B3GALT1: variants seen among roughly 807,000 people sequenced by gnomAD.
The protein encoded by B3GALT1 is UDP-Gal:betaGlcNAc beta 1,3-galactosyltransferase, polypeptide 1.
In B3GALT1, 10 loss-of-function variants were observed where a neutral mutation model predicts 23.2. That is an observed-to-expected ratio of 0.43 (90% CI 0.27 to 0.73). The LOEUF is 0.73. B3GALT1 is among the 30% of genes least tolerant of loss of function. The pLI, the probability that B3GALT1 is intolerant of heterozygous loss-of-function variation, is 0.21. For missense variants in B3GALT1, 299 were observed against 405.4 expected, an observed-to-expected ratio of 0.74 and a Z score of 2.25; for synonymous variants, 156 against 141.5, an observed-to-expected ratio of 1.10 and a Z score of -0.73.
chr2:167,649,051 AATAATGTTTTTTT>A (rs1685808814), intron 3 of B3GALT1, among the ~76,000 whole-genome samples: 1 of 152,094 alleles, frequency 6.6e-6, no homozygotes, highest in African/African-American at 2.4e-5. Context: ...AGTAAGAGCA[AATAATGTTTTTTT>A]ATTGACTCAC....
At chr2:167,475,970 T>A (rs1699479455) in intron 1 of B3GALT1, among the ~76,000 whole-genome samples, 1 of 152,182 alleles carries the variant, frequency 6.6e-6, no homozygotes, top group Non-Finnish European at 1.5e-5. Context: ...TCTGTGTGCA[T>A]GTCTGTGTCC....
intron 1 of B3GALT1, among the ~76,000 whole-genome samples, chr2:167,354,321 AGTT>A (rs1697364886): frequency 1.3e-5 from 2 of 150,092 alleles, no homozygotes; most frequent in Admixed American, 6.7e-5. Flanking sequence ...CTAGTAGACT[AGTT>A]GTTTCTTTCC....
intron 1 of B3GALT1, among the ~76,000 whole-genome samples, chr2:167,413,584 A>G (rs749143475): frequency 4.6e-5 from 7 of 151,916 alleles, no homozygotes; most frequent in Non-Finnish European, 8.8e-5. Flanking sequence ...CATTCTGTTC[A>G]TCTACTGTTC....
chr2:167,433,886 C>A (rs1698739785), intron 1 of B3GALT1, among the ~76,000 whole-genome samples: 1 of 152,046 alleles, frequency 6.6e-6, no homozygotes. Flanking sequence ...TGTGACCATG[C>A]CACTGCCCTC....
chr2:167,402,824 C>G (rs1268515108), intron 1 of B3GALT1, among the ~76,000 whole-genome samples: 3 of 152,072 alleles, frequency 2.0e-5, no homozygotes, highest in Non-Finnish European at 4.4e-5. Flanking sequence ...AGTCATGTTT[C>G]CATGGCATTA....
At chr2:167,671,730 A>G (rs572048662) in intron 3 of B3GALT1, among the ~76,000 whole-genome samples, 1 of 152,184 alleles carries the variant, frequency 6.6e-6, no homozygotes, top group South Asian at 2.1e-4. Context: ...TCAAAGAATT[A>G]GGGAAAAAAA....
At position 167,522,940 on chromosome 2, in the gene B3GALT1, G is replaced by A. The variant is rs1683120072; in HGVS notation, c.-410+32663G>A. ...GGTGCTTTCAAACAGCAAGAGCCCT[G>A]TAAGTACTTCAGAAGAATTTCCAAT... On this transcript the variant is annotated intron_variant, in intron 2 of 4. Coordinates refer to ENST00000392690, the MANE Select transcript of B3GALT1 (RefSeq NM_020981.4). 2.0e-5 allele frequency among the ~76,000 whole-genome samples: 3 copies of A among 152,108 alleles called. No homozygotes were observed. The South Asian group carries it at 6.2e-4, about 32-fold the overall frequency.
chr2:167,518,953 C>A (rs1383428716), intron 2 of B3GALT1, among the ~76,000 whole-genome samples: 4 of 151,992 alleles, frequency 2.6e-5, no homozygotes, highest in African/African-American at 9.7e-5. Flanking sequence ...GGAAGAAAAC[C>A]ATTCAAAGGC....
intron 1 of B3GALT1, among the ~76,000 whole-genome samples, chr2:167,364,883 A>G (rs529556380): frequency 7.2e-5 from 11 of 152,300 alleles, no homozygotes; most frequent in African/African-American, 2.6e-4. Flanking sequence ...AGATCCTCCT[A>G]AAACCCACTG....
Position 167,869,649 on chromosome 2 carries a change from A to G in B3GALT1, c.610A>G (p.Thr204Ala), listed in dbSNP as rs1463184734. The stretch of plus-strand genomic sequence containing the variant: ...CACCAAGCCACGAAGAAGGTATTTT[A>G]CTGGCTATGTCATTAATGGAGGACC... ...PSTKPRRRYFTGYVINGGPIR... is the reference protein window; with the variant it reads ...PSTKPRRRYFAGYVINGGPIR... Residue 204 changes from threonine to alanine, a missense_variant, in exon 5 of 5, where the codon ACT (threonine) becomes GCT (alanine). By Grantham distance (58) the Thr-to-Ala change is moderately conservative (BLOSUM62 0). Coordinates refer to ENST00000392690, the MANE Select transcript of B3GALT1 (RefSeq NM_020981.4). This position sits in a 1 kb window ranked among gnomAD's most constrained non-coding sequence, Gnocchi z 6.4. 8.7e-6 allele frequency: 14 copies of G among 1,614,246 alleles called. No homozygotes were observed. The highest frequency in any genetic ancestry group is 9.3e-6 in the Non-Finnish European group (11 of 1,180,046).
chr2:167,545,318 A>G (rs573322746), intron 2 of B3GALT1, among the ~76,000 whole-genome samples: 1 of 151,928 alleles, frequency 6.6e-6, no homozygotes, highest in African/African-American at 2.4e-5. Context: ...TACAGGCGTG[A>G]GCCACCGGCC....
At chr2:167,853,365 T>C (rs1240911385) in intron 4 of B3GALT1, among the ~76,000 whole-genome samples, 1 of 152,168 alleles carries the variant, frequency 6.6e-6, no homozygotes, top group Non-Finnish European at 1.5e-5. Flanking sequence ...TCTCTATTTT[T>C]TTAATTTGAG....
intron 3 of B3GALT1, among the ~76,000 whole-genome samples, chr2:167,649,035 G>T (rs1490093788): frequency 6.6e-6 from 1 of 152,098 alleles, no homozygotes; most frequent in African/African-American, 2.4e-5. Flanking sequence ...GTCATGCTGT[G>T]ACCATAGTAA....
At chr2:167,797,014 G>A (rs1280321331) in intron 3 of B3GALT1, among the ~76,000 whole-genome samples, 2 of 152,076 alleles carry the variant, frequency 1.3e-5, no homozygotes, top group East Asian at 1.9e-4. Context: ...TGTGCAGGAC[G>A]TGCAGGTTTG....
chr2:167,420,884 A>T (rs1311902039), intron 1 of B3GALT1, among the ~76,000 whole-genome samples: 3 of 152,220 alleles, frequency 2.0e-5, no homozygotes, highest in Admixed American at 1.3e-4. Flanking sequence ...GTGGTGGCAG[A>T]TAGAAAGGGA....
chr2:167,401,624 G>C (rs1414666327), intron 1 of B3GALT1, among the ~76,000 whole-genome samples: 1 of 152,118 alleles, frequency 6.6e-6, no homozygotes, highest in Non-Finnish European at 1.5e-5. Context: ...AGTTCTCTGA[G>C]TTATCCCATA....
chr2:167,724,286 G>A (rs1470477460), intron 3 of B3GALT1, among the ~76,000 whole-genome samples: 1 of 152,070 alleles, frequency 6.6e-6, no homozygotes, highest in East Asian at 1.9e-4. Flanking sequence ...GTCCTACAGG[G>A]GAAACCTCAC....
chr2:167,667,221 G>T (rs549628630), intron 3 of B3GALT1, among the ~76,000 whole-genome samples: 2 of 152,102 alleles, frequency 1.3e-5, no homozygotes, highest in African/African-American at 4.8e-5. Flanking sequence ...GCTTAGTTTG[G>T]CTGGATGTGA....
chr2:167,512,935 A>G (rs1228032147), intron 2 of B3GALT1, among the ~76,000 whole-genome samples: 1 of 148,260 alleles, frequency 6.7e-6, no homozygotes, highest in Non-Finnish European at 1.5e-5. Context: ...TGATGATTCT[A>G]CCCAGCCTAT....
Sources: gnomAD v4.1 joint callset for allele counts (sites outside exome capture counted in the v4.1 genomes callset) on GRCh38, gnomAD v4.1.1 for gene constraint, Gnocchi (gnomAD v3.1) non-coding constraint, MANE v1.5 for transcripts, NCBI Gene and HGNC (gene_info 2026-07-23, HGNC 2026-07-21) for gene names.